The following RABGAP1L variants were observed in gnomAD, a reference collection of about 807,000 sequenced individuals.
RABGAP1L encodes RAB GTPase activating protein 1 like, also known as rab GTPase-activating protein 1-like.
RABGAP1L carries 63 observed loss-of-function variants against 137.7 expected under a neutral mutation model. The observed-to-expected ratio is 0.46, with a 90% CI of 0.37 to 0.56. The LOEUF (loss-of-function observed/expected upper bound fraction) is 0.56, where lower values mean the gene tolerates loss of function less well. Ranked by LOEUF, RABGAP1L falls within the 20% of genes least tolerant of loss-of-function variation. The pLI is 0.00. For missense variants in RABGAP1L, 1,095 were observed against 1,244.0 expected, an observed-to-expected ratio of 0.88 and a Z score of 1.80; for synonymous variants, 431 against 433.7, an observed-to-expected ratio of 0.99 and a Z score of 0.08.
intron 19 of RABGAP1L, among the ~76,000 whole-genome samples, chr1:174,858,782 C>T (rs1212134401): frequency 6.6e-6 from 1 of 152,028 alleles, no homozygotes; most frequent in Non-Finnish European, 1.5e-5. Context: ...ATTATTACTA[C>T]AGGAAAACAA....
intron 1 of RABGAP1L, among the ~76,000 whole-genome samples, chr1:174,211,834 T>G (rs1668915369): frequency 6.6e-6 from 1 of 152,154 alleles, no homozygotes; most frequent in Non-Finnish European, 1.5e-5. Flanking sequence ...ATAGCTATAC[T>G]TCTATCAGAC....
intron 20 of RABGAP1L, chr1:174,957,857 C>G (rs756975039): frequency 1.3e-6 from 2 of 1,539,716 alleles, no homozygotes; most frequent in Non-Finnish European, 8.9e-7. Flanking sequence ...AGGAGACTCC[C>G]AAATAGCCAA....
intron 20 of RABGAP1L, among the ~76,000 whole-genome samples, chr1:174,963,873 C>T (rs116120976): frequency 3.6e-4 from 55 of 152,060 alleles, no homozygotes; most frequent in African/African-American, 1.3e-3. Flanking sequence ...GTTTGCTGAC[C>T]CCTGTGCAAG....
At chr1:174,526,217 T>G (rs185503579) in intron 13 of RABGAP1L, among the ~76,000 whole-genome samples, 1 of 152,324 alleles carries the variant, frequency 6.6e-6, no homozygotes, top group East Asian at 1.9e-4. Flanking sequence ...TCTGTTGTGC[T>G]GTTGAATTAC....
chr1:174,531,780 A>G (rs1000186772), intron 13 of RABGAP1L, among the ~76,000 whole-genome samples: 1 of 151,838 alleles, frequency 6.6e-6, no homozygotes, highest in Non-Finnish European at 1.5e-5. Flanking sequence ...AAAACATATT[A>G]TTGAGTAATT....
chr1:174,819,962 T>C (rs1456515976), intron 19 of RABGAP1L, among the ~76,000 whole-genome samples: 2 of 151,962 alleles, frequency 1.3e-5, no homozygotes, highest in Admixed American at 6.6e-5. Flanking sequence ...GAGGAAGAAA[T>C]TGAGGATATT....
rs57412303 is a variant in RABGAP1L, at chr1:174,795,504, T to C, written c.2212-16328T>C. On this transcript the variant is annotated intron_variant, in intron 18 of 25. Transcript: ENST00000681986. ...CCTAGGAGCTCAAAGTCCTTTTCCT[T>C]TGTTTTATCACTTCTCTACAGAAGT... Among the ~76,000 whole-genome samples the C allele has an allele frequency of 5.7e-3, 863 of 152,308 alleles. 10 individuals are homozygous for C. The highest frequency in any genetic ancestry group is 0.02 in the African/African-American group (816 of 41,564).
intron 10 of RABGAP1L, among the ~76,000 whole-genome samples, chr1:174,297,606 C>T (rs565260986): frequency 1.1e-4 from 16 of 152,106 alleles, no homozygotes; most frequent in African/African-American, 2.7e-4. Context: ...GGACTAAGAC[C>T]GATCTTAACT....
intron 19 of RABGAP1L, among the ~76,000 whole-genome samples, chr1:174,944,217 C>A (rs1455282070): frequency 1.4e-5 from 2 of 138,274 alleles, no homozygotes; most frequent in East Asian, 4.4e-4. Flanking sequence ...GTGGAGCTTG[C>A]AGTGAGCCAA....
At chr1:174,333,667 C>T (rs1681229772) in intron 11 of RABGAP1L, among the ~76,000 whole-genome samples, 1 of 152,082 alleles carries the variant, frequency 6.6e-6, no homozygotes, top group African/African-American at 2.4e-5. Context: ...ATATTTTAGC[C>T]CCTGAGGCTG....
At chr1:174,170,687 A>AG (rs1333071503) in intron 1 of RABGAP1L, among the ~76,000 whole-genome samples, 2 of 151,708 alleles carry the variant, frequency 1.3e-5, no homozygotes, top group Non-Finnish European at 2.9e-5. Flanking sequence ...AAAAAAAAAA[A>AG]AAAAAAATCA....
chr1:174,873,309 T>C (rs1015423187), intron 19 of RABGAP1L, among the ~76,000 whole-genome samples: 1 of 151,986 alleles, frequency 6.6e-6, no homozygotes, highest in African/African-American at 2.4e-5. Context: ...GACCTCGTGA[T>C]CCACCCGCCT....
chr1:174,177,378 T>G (rs762667931), intron 1 of RABGAP1L, among the ~76,000 whole-genome samples: 5 of 152,178 alleles, frequency 3.3e-5, no homozygotes, highest in Admixed American at 1.3e-4. Flanking sequence ...TTCTGGATAT[T>G]AGACCATAGT....
At chr1:174,461,943 C>A (rs1392154561) in intron 13 of RABGAP1L, among the ~76,000 whole-genome samples, 3 of 151,906 alleles carry the variant, frequency 2.0e-5, no homozygotes, top group Admixed American at 6.6e-5. Flanking sequence ...TTATATTCAG[C>A]TGAAATGAAT....
At chr1:174,958,120 T>C in intron 20 of RABGAP1L, 2 of 1,501,206 alleles carry the variant, frequency 1.3e-6, no homozygotes, top group Non-Finnish European at 1.8e-6. Flanking sequence ...CCTCTGTCTG[T>C]AGAAAATGTT....
chr1:174,569,759 A>T (rs1201762539), intron 13 of RABGAP1L, among the ~76,000 whole-genome samples: 2 of 152,228 alleles, frequency 1.3e-5, no homozygotes, highest in Admixed American at 1.3e-4. Context: ...GTATTTTCTC[A>T]GCTTTCTTGA....
chr1:174,713,803 C>T (rs1038222570), intron 17 of RABGAP1L, among the ~76,000 whole-genome samples: 2 of 152,220 alleles, frequency 1.3e-5, no homozygotes, highest in Admixed American at 6.5e-5. Context: ...ATCAAGTCTA[C>T]CTCCAAAATA....
intron 12 of RABGAP1L, among the ~76,000 whole-genome samples, chr1:174,380,595 T>A (rs1686044165): frequency 6.6e-6 from 1 of 152,150 alleles, no homozygotes; most frequent in African/African-American, 2.4e-5. Flanking sequence ...TGTAGTATTC[T>A]CTGATGGTAG....
chr1:174,450,435 A>G lies in RABGAP1L; in HGVS notation c.1710+56290A>G, dbSNP rs892469054. On this transcript the variant is annotated intron_variant, in intron 13 of 25. Transcript: ENST00000681986. ...GATCAATGTTGTTTAAGTTGTCAACATTGGAAAAAGTATATACAAAAACCT... is the reference window on the plus strand; with the variant it reads ...GATCAATGTTGTTTAAGTTGTCAACGTTGGAAAAAGTATATACAAAAACCT... 2.0e-5 allele frequency among the ~76,000 whole-genome samples: 3 copies of G among 152,192 alleles called. No individual in the cohort carries two copies. The South Asian group carries it at 6.2e-4, about 31-fold the overall frequency.
Sources: allele counts gnomAD v4.1 joint callset (sites outside exome capture counted in the v4.1 genomes callset), GRCh38; gene constraint gnomAD v4.1.1; transcripts MANE v1.5; gene names NCBI Gene and HGNC (gene_info 2026-07-23, HGNC 2026-07-21).